PABPC4: variants seen among roughly 807,000 people sequenced by gnomAD.
PABPC4 encodes the protein polyadenylate-binding protein 4.
Under a neutral mutation model 74.5 loss-of-function variants are expected in PABPC4, and 15 were observed. The observed-to-expected ratio is 0.20, with a 90% confidence interval of 0.13 to 0.31. The LOEUF is 0.31. PABPC4 is among the 10% of genes least tolerant of loss of function. The pLI, the probability that PABPC4 is intolerant of heterozygous loss-of-function variation, is 1.00. For missense variants in PABPC4, 610 were observed against 853.5 expected, an observed-to-expected ratio of 0.71 and a Z score of 3.55; for synonymous variants, 345 against 303.0, an observed-to-expected ratio of 1.14 and a Z score of -1.44.
intron 1 of PABPC4, among the ~76,000 whole-genome samples, chr1:39,574,771 C>T (rs1198243058): frequency 1.3e-5 from 2 of 152,262 alleles, no homozygotes; most frequent in Non-Finnish European, 2.9e-5. Flanking sequence ...TGGCTTGTTT[C>T]TCCCAGTAAT....
chr1:39,575,780 T>A lies in PABPC4; in HGVS notation c.172A>T (p.Asn58Tyr), dbSNP rs1646016607. ...TRRSLGYAYV[N>Y]FQQPADAERA... ...TCACCGTCGGCCGGCTGCTGGAAGT[T>A]GACGTAGGCATAGCCCAGGGAGCGG... Residue 58 changes from asparagine (N) to tyrosine (Y), a missense_variant, in exon 1 of 16, where the codon AAC (asparagine) becomes TAC (tyrosine). Transcript: ENST00000372858. 1 of 1,599,966 alleles carries A rather than the reference T, an allele frequency of 6.3e-7. No individual in the cohort carries two copies. The highest frequency in any genetic ancestry group is 1.7e-5 in the Admixed American group (1 of 59,164).
intron 7 of PABPC4, among the ~76,000 whole-genome samples, chr1:39,566,989 T>C (rs1645855071): frequency 7.2e-6 from 1 of 138,108 alleles, no homozygotes; most frequent in Admixed American, 7.9e-5. Context: ...CCAGCCCACG[T>C]GGCTTCCCTT....
intron 7 of PABPC4, 74 bp from the exon 8 acceptor site, chr1:39,565,452 A>C (rs1645822161): frequency 2.0e-6 from 3 of 1,492,430 alleles, no homozygotes; most frequent in Non-Finnish European, 2.7e-6. Flanking sequence ...CTGTAATCCC[A>C]GCACTTTGGA....
chr1:39,564,374 C>T, intron 10 of PABPC4, 49 bp downstream of exon 10: 1 of 1,601,370 alleles, frequency 6.2e-7, no homozygotes, highest in Non-Finnish European at 8.5e-7. Context: ...GCCTAGTCAT[C>T]CTGACTCCCT....
chr1:39,569,766 T>G, intron 4 of PABPC4, 77 bp from the exon 5 acceptor site: 1 of 1,586,254 alleles, frequency 6.3e-7, no homozygotes, highest in Non-Finnish European at 8.6e-7. Context: ...CTCTGGAAAC[T>G]CACTTGAAGC....
intron 3 of PABPC4, 140 bp from the exon 4 acceptor site, chr1:39,570,142 T>C: frequency 1.3e-6 from 1 of 792,932 alleles, no homozygotes; most frequent in South Asian, 1.7e-5. Context: ...GGCTCAGAGA[T>C]ACCCCAAGTC....
chr1:39,569,597 T>C lies in PABPC4; in HGVS notation c.736A>G (p.Lys246Glu), dbSNP rs1202221829. The C allele has an allele frequency of 1.9e-6, 3 of 1,612,674 alleles. No individual in the cohort carries two copies. The highest frequency in any genetic ancestry group is 3.3e-5 in the Admixed American group (2 of 60,034). The change falls in exon 5 of 16, where the codon AAG becomes GAG. Residue 246 changes from lysine (K) to glutamate (E), a missense_variant and splice_region_variant. Lys to Glu is a moderately conservative substitution (Grantham distance 56, BLOSUM62 1). This residue lies in a region of PABPC4 where 304 missense variants were observed against 478.9 expected (regional missense o/e 0.63). Coordinates refer to ENST00000372858, the MANE Select transcript of PABPC4 (RefSeq NM_001135653.2). Reference protein sequence around the residue: ...VSYEKHEDANKAVEEMNGKEI... With the variant: ...VSYEKHEDANEAVEEMNGKEI... ...CCCAATCTTTGTGGTATACTCACCTTATTGGCATCCTCGTGTTTTTCGTAA... is the reference window on the plus strand; with the variant it reads ...CCCAATCTTTGTGGTATACTCACCTCATTGGCATCCTCGTGTTTTTCGTAA...
At chr1:39,569,523 T>C in intron 5 of PABPC4, 72 bp downstream of exon 5, 4 of 1,027,926 alleles carry the variant, frequency 3.9e-6, no homozygotes, top group Non-Finnish European at 6.2e-6. Context: ...TCTAGGTAGG[T>C]GCTAGCAAGA....
intron 7 of PABPC4, 130 bp from the exon 8 acceptor site, chr1:39,565,508 C>T: frequency 1.1e-6 from 1 of 894,390 alleles, no homozygotes; most frequent in Non-Finnish European, 1.7e-6. Context: ...TTGAGACCAG[C>T]TTGAGCAATG....
At chr1:39,568,039 C>T in intron 6 of PABPC4, 193 bp from the exon 7 acceptor site, 2 of 472,278 alleles carry the variant, frequency 4.2e-6, no homozygotes, top group Non-Finnish European at 7.7e-6. Flanking sequence ...GGGCGAATCA[C>T]AAGGTCAGGA....
At chr1:39,569,433 G>GT in intron 5 of PABPC4, 162 bp downstream of exon 5, 1 of 624,322 alleles carries the variant, frequency 1.6e-6, no homozygotes, top group East Asian at 2.7e-5. Flanking sequence ...CCTACATGAA[G>GT]TTAACATGCG....
intron 6 of PABPC4, chr1:39,568,262 A>G (rs4660836): frequency 0.56 from 75,603 of 134,352 alleles, 19,807 homozygotes; most frequent in South Asian, 0.8. Flanking sequence ...CTCAAGAAAA[A>G]AAAAAAAAAA....
At chr1:39,574,172 C>T (rs1570401014) in intron 1 of PABPC4, among the ~76,000 whole-genome samples, 4 of 152,320 alleles carry the variant, frequency 2.6e-5, no homozygotes, top group African/African-American at 7.2e-5. Context: ...GAAGGTGGGC[C>T]TCATCTGTGT....
chr1:39,567,121 A>T (rs934347551), intron 7 of PABPC4, among the ~76,000 whole-genome samples: 3 of 152,224 alleles, frequency 2.0e-5, no homozygotes, highest in Admixed American at 6.5e-5. Flanking sequence ...CAAAGTGCCA[A>T]GGACAAGCAG....
intron 2 of PABPC4, among the ~76,000 whole-genome samples, 153 bp downstream of exon 2, chr1:39,572,240 G>C (rs1463358214): frequency 2.0e-5 from 3 of 152,184 alleles, no homozygotes; most frequent in Admixed American, 6.5e-5. Flanking sequence ...ATGGCCCTGA[G>C]ATTACCTATG....
At position 39,563,906 on chromosome 1, in the gene PABPC4, G is replaced by A; in HGVS notation, c.1470C>T (p.Asp490=). Residue 490 remains aspartate (D), a synonymous_variant, in exon 11 of 16, where the codon GAC becomes GAT. Coordinates refer to ENST00000372858, the MANE Select transcript of PABPC4 (RefSeq NM_001135653.2). ...TTQRVGSECP[D]RLAMDFGGAG... is the part of the protein sequence containing the mutation. ...CCCCACCAAAGTCCATAGCCAAGCG[G>A]TCCGGGCACTCAGACCCTACAACAG... 4 of 1,614,216 alleles carry A rather than the reference G, an allele frequency of 2.5e-6. No homozygotes were observed. The highest frequency in any genetic ancestry group is 3.4e-6 in the Non-Finnish European group (4 of 1,180,046).
rs1367126985 is a variant in PABPC4, at chr1:39,565,192, C to G, written c.1159G>C (p.Ala387Pro). Residue 387 changes from alanine to proline, a missense_variant, in exon 8 of 16, where the codon GCT (alanine) becomes CCT (proline). Transcript: ENST00000372858. ...HLTNQYMQRV[A>P]GMRALPANAI... is the part of the protein sequence containing the mutation. ...TTGGCAGGAAGTGCTCTCATTCCAG[C>G]CACTCGTTGCATATACTGGTTGGTC... The G allele has an allele frequency of 6.2e-7, 1 of 1,614,078 alleles. No homozygotes were observed. The highest frequency in any genetic ancestry group is 8.5e-7 in the Non-Finnish European group (1 of 1,180,036).
chr1:39,561,970 TG>T, intron 14 of PABPC4, 102 bp downstream of exon 14: 2 of 1,389,658 alleles, frequency 1.4e-6, no homozygotes, highest in Non-Finnish European at 2.0e-6. Flanking sequence ...AGAGGGGTCC[TG>T]GGGGCAGCAG....
chr1:39,573,151 G>A (rs61781367), intron 1 of PABPC4: 1 of 150,160 alleles, frequency 6.7e-6, no homozygotes, highest in African/African-American at 2.5e-5. Context: ...GACAAAACCT[G>A]TAAAGCAAAT....
Sources: gnomAD v4.1 joint callset for allele counts (sites outside exome capture counted in the v4.1 genomes callset) on GRCh38, gnomAD v4.1.1 for gene constraint, gnomAD v4.1.1 regional missense constraint, MANE v1.5 for transcripts, NCBI Gene and HGNC (gene_info 2026-07-23, HGNC 2026-07-21) for gene names.